SNX30: variants seen among roughly 807,000 people sequenced by gnomAD.
The protein encoded by SNX30 is sorting nexin-30.
Under a neutral mutation model 46.4 loss-of-function variants are expected in SNX30, and 24 were observed. That is an observed-to-expected ratio of 0.52 (90% CI 0.37 to 0.73). The LOEUF (loss-of-function observed/expected upper bound fraction) is 0.73. SNX30 is among the 30% of genes least tolerant of loss of function. The pLI, the probability that SNX30 is intolerant of heterozygous loss-of-function variation, is 0.00. For synonymous variants in SNX30, 189 were observed against 211.5 expected (o/e 0.89, Z 0.92); for missense variants, 533 against 555.7 (o/e 0.96, Z 0.41).
chr9:112,805,041 C>T, intron 2 of SNX30, 74 bp downstream of exon 2: 1 of 1,203,796 alleles, frequency 8.3e-7, no homozygotes, highest in Non-Finnish European at 1.1e-6. Context: ...TGAATTTTGC[C>T]TTTGCTCTCC....
chr9:112,846,719 G>T (rs113254686), intron 6 of SNX30, among the ~76,000 whole-genome samples: 5 of 152,228 alleles, frequency 3.3e-5, no homozygotes, highest in African/African-American at 9.6e-5. Flanking sequence ...AGTTCTCTGT[G>T]GGGGGTGAGC....
chr9:112,790,049 G>A (rs1267194150), intron 1 of SNX30, among the ~76,000 whole-genome samples: 1 of 152,200 alleles, frequency 6.6e-6, no homozygotes, highest in Admixed American at 6.5e-5. Flanking sequence ...GGAACTTGGA[G>A]ATACTTGTAC....
At chr9:112,844,355 G>A (rs1564289229) in intron 6 of SNX30, among the ~76,000 whole-genome samples, 1 of 152,174 alleles carries the variant, frequency 6.6e-6, no homozygotes. Flanking sequence ...CATTAAAGTG[G>A]AGATGTCATG....
chr9:112,829,951 T>C (rs1840635937), intron 3 of SNX30, among the ~76,000 whole-genome samples: 1 of 152,228 alleles, frequency 6.6e-6, no homozygotes, highest in African/African-American at 2.4e-5. Flanking sequence ...TTTAAAAATA[T>C]TTCATAGCTC....
At chr9:112,814,788 TG>T (rs1840372343) in intron 2 of SNX30, among the ~76,000 whole-genome samples, 3 of 152,254 alleles carry the variant, frequency 2.0e-5, no homozygotes, top group Non-Finnish European at 2.9e-5. Flanking sequence ...TGTACACTTT[TG>T]TCCAGCAATT....
In SNX30 at chr9:112,872,679, G is replaced by A. The variant is rs946610459; in HGVS notation, c.*3836G>A. 1 of 152,212 alleles carries A rather than the reference G, an allele frequency of 6.6e-6. No homozygotes were observed. Among genetic ancestry groups the A allele is most frequent in the Admixed American group, 6.5e-5 (1 of 15,268 alleles). 9.4% of individuals were successfully genotyped at this position (152,212 alleles called of 1,614,324 possible). ...TACTTTAAGGACCTGTGGAAACTGG[G>A]TGATCCAATTATAGGGCTGGGGCAA... On this transcript the variant is annotated 3_prime_UTR_variant, in exon 9 of 9. Transcript: ENST00000374232.
intron 2 of SNX30, among the ~76,000 whole-genome samples, chr9:112,807,905 G>A (rs116258140): frequency 3.2e-4 from 49 of 152,256 alleles, no homozygotes; most frequent in African/African-American, 1.1e-3. Flanking sequence ...TTAGAGTAAC[G>A]TTTTCCAAGT....
chr9:112,783,222 A>AG (rs1437900058), intron 1 of SNX30, among the ~76,000 whole-genome samples: 1 of 152,200 alleles, frequency 6.6e-6, no homozygotes, highest in Non-Finnish European at 1.5e-5. Flanking sequence ...CAGACGGTGA[A>AG]GGGCTACTAG....
At chr9:112,853,529 G>T (rs1331945421) in intron 7 of SNX30, among the ~76,000 whole-genome samples, 2 of 152,174 alleles carry the variant, frequency 1.3e-5, no homozygotes, top group East Asian at 3.8e-4. Flanking sequence ...TCAACAAAGG[G>T]ATTTAAAGGG....
chr9:112,830,854 G>T lies in SNX30; in HGVS notation c.589G>T (p.Glu197Ter). The T allele has an allele frequency of 6.2e-7, 1 of 1,612,760 alleles. No homozygotes were observed. Among genetic ancestry groups the T allele is most frequent in the South Asian group, 1.1e-5 (1 of 90,774 alleles). ...GGACCATCCTGTGCTGTCTTTCAAT[G>T]AACACTTTAATATTTTCCTTACTGC... Reference protein sequence around the residue: ...ITDHPVLSFNEHFNIFLTAKD... With the variant: ...ITDHPVLSFN The change falls in exon 4 of 9, where the codon GAA (glutamate) becomes TAA (stop). Residue 197 changes from glutamate (E) to a stop codon, truncating the protein, a stop_gained. Coordinates refer to ENST00000374232, the MANE Select transcript of SNX30 (RefSeq NM_001012994.2). LOFTEE classifies it high-confidence loss of function.
chr9:112,864,522 T>G (rs1841288180), intron 8 of SNX30, 123 bp downstream of exon 8: 2 of 1,315,488 alleles, frequency 1.5e-6, no homozygotes, highest in Admixed American at 3.7e-5. Flanking sequence ...AGCTGCTTAG[T>G]CTTGGCTCCC....
chr9:112,816,424 A>G (rs1376382818), intron 2 of SNX30, among the ~76,000 whole-genome samples: 3 of 152,232 alleles, frequency 2.0e-5, no homozygotes, highest in Non-Finnish European at 4.4e-5. Context: ...ATCATCTGAT[A>G]AGTCACAAAT....
At chr9:112,753,391 A>G (rs532201103) in intron 1 of SNX30, among the ~76,000 whole-genome samples, 3 of 152,152 alleles carry the variant, frequency 2.0e-5, no homozygotes, top group Non-Finnish European at 4.4e-5. Flanking sequence ...TTGAATATAT[A>G]TGTATTTTTT....
At chr9:112,811,707 T>C (rs960942603) in intron 2 of SNX30, among the ~76,000 whole-genome samples, 4 of 152,174 alleles carry the variant, frequency 2.6e-5, no homozygotes, top group African/African-American at 9.7e-5. Flanking sequence ...ACTGTACATG[T>C]GCGCCCGTGA....
chr9:112,786,129 T>C (rs982695835), intron 1 of SNX30, among the ~76,000 whole-genome samples: 3 of 151,538 alleles, frequency 2.0e-5, no homozygotes, highest in Admixed American at 6.6e-5. Context: ...TTTTTTTTTT[T>C]TTTTTGGAGA....
chr9:112,785,330 C>G (rs530540526), intron 1 of SNX30, among the ~76,000 whole-genome samples: 3 of 152,116 alleles, frequency 2.0e-5, no homozygotes, highest in African/African-American at 7.2e-5. Context: ...ATCCTCCCAC[C>G]TCATCCTCCC....
intron 3 of SNX30, among the ~76,000 whole-genome samples, chr9:112,818,268 C>T (rs1183111334): frequency 6.0e-5 from 9 of 149,758 alleles, no homozygotes; most frequent in African/African-American, 1.5e-4. Flanking sequence ...ATGGCATGAT[C>T]GCAGCTCACT....
chr9:112,833,834 A>G (rs1564285274), intron 4 of SNX30, among the ~76,000 whole-genome samples: 1 of 152,160 alleles, frequency 6.6e-6, no homozygotes, highest in Non-Finnish European at 1.5e-5. Context: ...TTTCTTGTCT[A>G]GAATGTGGGA....
chr9:112,817,347 C>T (rs10817389), intron 2 of SNX30, among the ~76,000 whole-genome samples: 2 of 103,972 alleles, frequency 1.9e-5, no homozygotes, highest in African/African-American at 8.1e-5. Context: ...CTAAACAATT[C>T]TGGGGGATAG....
Sources: allele counts gnomAD v4.1 joint callset (sites outside exome capture counted in the v4.1 genomes callset), GRCh38; gene constraint gnomAD v4.1.1; transcripts MANE v1.5; gene names NCBI Gene and HGNC (gene_info 2026-07-23, HGNC 2026-07-21).